RAB7A: variants seen among roughly 807,000 people sequenced by gnomAD.
The protein encoded by RAB7A is ras-related protein Rab-7a.
RAB7A carries 2 observed loss-of-function variants against 24.5 expected under a neutral mutation model. The observed-to-expected ratio is 0.08, with a 90% confidence interval of 0.03 to 0.26. The LOEUF is 0.26. Among genes scored for constraint, RAB7A ranks in the 10% least tolerant of loss-of-function variants. RAB7A has a pLI of 1.00. For synonymous variants in RAB7A, 100 were observed against 95.9 expected, an observed-to-expected ratio of 1.04 and a Z score of -0.25; for missense variants, 118 against 255.7, an observed-to-expected ratio of 0.46 and a Z score of 3.67.
chr3:128,731,050 C>T (rs1479545600), intron 1 of RAB7A, among the ~76,000 whole-genome samples: 1 of 152,194 alleles, frequency 6.6e-6, no homozygotes, highest in Non-Finnish European at 1.5e-5. Context: ...TCTCTCTTCT[C>T]CCTCAGCCTT....
intron 3 of RAB7A, among the ~76,000 whole-genome samples, chr3:128,803,354 C>G (rs1448029051): frequency 3.3e-5 from 5 of 152,098 alleles, no homozygotes; most frequent in African/African-American, 9.6e-5. Flanking sequence ...ACAAACCACA[C>G]AAGCAGGTGA....
chr3:128,743,293 C>T (rs956922229), intron 1 of RAB7A, among the ~76,000 whole-genome samples: 3 of 152,254 alleles, frequency 2.0e-5, no homozygotes, highest in Non-Finnish European at 4.4e-5. Flanking sequence ...CAGTTTCCCG[C>T]CCATGCCTCT....
At chr3:128,767,441 A>T (rs181601752) in intron 1 of RAB7A, among the ~76,000 whole-genome samples, 51 of 152,354 alleles carry the variant, frequency 3.3e-4, no homozygotes, top group Admixed American at 2.1e-3. Context: ...GTAGCAAAGC[A>T]GGCTGGAGTA....
chr3:128,789,791 C>CT (rs1214389169), intron 1 of RAB7A, among the ~76,000 whole-genome samples: 6,488 of 133,400 alleles, frequency 0.049, 198 homozygotes, highest in Non-Finnish European at 0.067. Context: ...TTGTTCCTGG[C>CT]TTTTTTTTTT....
intron 3 of RAB7A, among the ~76,000 whole-genome samples, chr3:128,800,089 G>C (rs1201253636): frequency 6.6e-6 from 1 of 152,152 alleles, no homozygotes; most frequent in Non-Finnish European, 1.5e-5. Context: ...ATTAAATGGA[G>C]CTGAAAAAAG....
intron 1 of RAB7A, among the ~76,000 whole-genome samples, chr3:128,781,890 G>A (rs1256094738): frequency 6.6e-6 from 1 of 152,286 alleles, no homozygotes; most frequent in East Asian, 1.9e-4. Context: ...GCACGTGCCT[G>A]TAATCCCAGC....
chr3:128,811,575 T>C (rs934479033), intron 5 of RAB7A, among the ~76,000 whole-genome samples: 1 of 152,176 alleles, frequency 6.6e-6, no homozygotes, highest in Non-Finnish European at 1.5e-5. Context: ...CCAGCCCGGA[T>C]GCAGTGGCTC....
chr3:128,772,408 T>C (rs1468083399), intron 1 of RAB7A, among the ~76,000 whole-genome samples: 1 of 152,238 alleles, frequency 6.6e-6, no homozygotes, highest in Non-Finnish European at 1.5e-5. Context: ...ATAATACTAT[T>C]GTCTCGTTTT....
chr3:128,803,620 G>A (rs1017675020), intron 3 of RAB7A, among the ~76,000 whole-genome samples: 1 of 152,194 alleles, frequency 6.6e-6, no homozygotes, highest in Non-Finnish European at 1.5e-5. Flanking sequence ...TATCATTGCA[G>A]CCTTGCATGG....
chr3:128,807,694 G>C (rs917293979), intron 5 of RAB7A, 23 bp downstream of exon 5: 4 of 1,613,846 alleles, frequency 2.5e-6, no homozygotes, highest in African/African-American at 1.3e-5. Flanking sequence ...CAGCTGACCA[G>C]CCCACTCTGG....
At chr3:128,749,907 T>C (rs891960954) in intron 1 of RAB7A, among the ~76,000 whole-genome samples, 1 of 152,132 alleles carries the variant, frequency 6.6e-6, no homozygotes, top group Non-Finnish European at 1.5e-5. Context: ...TGGGTACCAG[T>C]AGAGTGGGGT....
Position 128,737,825 on chromosome 3 carries a change from G to GTTTTTTTTTTTTTTT in RAB7A, c.-9+11484_-9+11498dup, listed in dbSNP as rs56027163. Among the ~76,000 whole-genome samples, 5 of 59,492 alleles carry GTTTTTTTTTTTTTTT rather than the reference G, an allele frequency of 8.4e-5. 1 individual carries two copies. Among genetic ancestry groups the GTTTTTTTTTTTTTTT allele is most frequent in the Admixed American group, 2.4e-4 (1 of 4,100 alleles). 39.0% of individuals were successfully genotyped at this position (59,492 alleles called of 152,430 possible). On this transcript the variant is annotated intron_variant, in intron 1 of 5. Transcript: ENST00000265062. ...CACCACATCTGGCTATTTTTTTGTAGTTTTTTTTTTTTTTTTTTTTTTTTT... is the reference window on the plus strand; with the variant it reads ...CACCACATCTGGCTATTTTTTTGTAGTTTTTTTTTTTTTTTTTTTTTTTTTTTTTTTTTTTTTTTT...
In RAB7A at chr3:128,813,578, A is replaced by G. The variant is rs1933973942; in HGVS notation, c.*156A>G. 19 of 691,630 alleles carry G rather than the reference A, an allele frequency of 2.7e-5. No homozygotes were observed. The highest frequency in any genetic ancestry group is 4.7e-5 in the Non-Finnish European group (18 of 380,842). The allele number at this position is 691,630 out of a possible 1,614,324, so 42.8% of individuals were successfully genotyped here. On this transcript the variant is annotated 3_prime_UTR_variant, in exon 6 of 6. Transcript: ENST00000265062. ...CCCATCAAACACAGTTACACCCCAC[A>G]TATCTCTCACACACACACACACACG...
At chr3:128,740,133 T>G (rs1336428093) in intron 1 of RAB7A, among the ~76,000 whole-genome samples, 1 of 152,040 alleles carries the variant, frequency 6.6e-6, no homozygotes, top group Admixed American at 6.6e-5. Context: ...TCCCATCACT[T>G]TGGGAGGCCG....
rs1284772498 is a variant in RAB7A at position 128,803,037 on chromosome 3, C to T, written c.181-3335C>T. On this transcript the variant is annotated intron_variant, in intron 3 of 5. Coordinates refer to ENST00000265062, the MANE Select transcript of RAB7A (RefSeq NM_004637.6). ...GTTGGCCAGGCTGGTCTCGAACTGC[C>T]GACCTCAGGTGATCCACCTACCTTG... 2.6e-5 allele frequency among the ~76,000 whole-genome samples: 4 copies of T among 152,020 alleles called. No individual in the cohort carries two copies. The East Asian group carries it at 5.8e-4, about 22-fold the overall frequency.
intron 1 of RAB7A, among the ~76,000 whole-genome samples, chr3:128,758,795 C>T (rs1167151624): frequency 6.6e-6 from 1 of 152,120 alleles, no homozygotes; most frequent in Non-Finnish European, 1.5e-5. Flanking sequence ...TGAACATGAT[C>T]CTTTGGTAGC....
intron 2 of RAB7A, among the ~76,000 whole-genome samples, chr3:128,795,751 C>CTTGTTTTTTTTTTTTTTTTTTTT (rs1933555041): frequency 4.6e-5 from 2 of 43,032 alleles, no homozygotes; most frequent in African/African-American, 6.3e-5. Flanking sequence ...AGCAGATGTG[C>CTTGTTTTTTTTTTTTTTTTTTTT]TTTTTTTTTT....
chr3:128,756,250 G>A (rs1029682718), intron 1 of RAB7A, among the ~76,000 whole-genome samples: 2 of 148,536 alleles, frequency 1.3e-5, no homozygotes, highest in Non-Finnish European at 2.9e-5. Flanking sequence ...GGCTGAGGCA[G>A]GAGAATCGCT....
chr3:128,777,971 C>T (rs557736152), intron 1 of RAB7A, among the ~76,000 whole-genome samples: 110 of 152,294 alleles, frequency 7.2e-4, no homozygotes, highest in Admixed American at 1.2e-3. Context: ...GCCTCGGCCT[C>T]CCAAAGTGCT....
Sources: allele counts gnomAD v4.1 joint callset (sites outside exome capture counted in the v4.1 genomes callset), GRCh38; gene constraint gnomAD v4.1.1; transcripts MANE v1.5; gene names NCBI Gene and HGNC (gene_info 2026-07-23, HGNC 2026-07-21).